RARB: variants seen among roughly 807,000 people sequenced by gnomAD.
RARB encodes the protein HBV-activated protein.
Under a neutral mutation model 51.9 loss-of-function variants are expected in RARB, and 17 were observed. That is an observed-to-expected ratio of 0.33 (90% CI 0.22 to 0.49). The LOEUF (loss-of-function observed/expected upper bound fraction) is 0.49. RARB is among the 20% of genes least tolerant of loss of function. The pLI is 0.99. For missense variants in RARB, 369 were observed against 550.8 expected, an observed-to-expected ratio of 0.67 and a Z score of 3.30; for synonymous variants, 215 against 195.4, an observed-to-expected ratio of 1.10 and a Z score of -0.84.
At chr3:25,179,248 G>A (rs1268493503) in intron 5 of RARB, among the ~76,000 whole-genome samples, 1 of 152,160 alleles carries the variant, frequency 6.6e-6, no homozygotes, top group Non-Finnish European at 1.5e-5. Context: ...TGTGCTGATC[G>A]ATTGAATTTC....
chr3:25,078,089 T>C (rs547333620), intron 3 of RARB, among the ~76,000 whole-genome samples: 1 of 152,312 alleles, frequency 6.6e-6, no homozygotes, highest in Admixed American at 6.5e-5. Flanking sequence ...AGTTTGCCTA[T>C]GGATATCTTG....
At chr3:25,472,468 T>A (rs944325264) in intron 2 of RARB, among the ~76,000 whole-genome samples, 1 of 152,186 alleles carries the variant, frequency 6.6e-6, no homozygotes, top group African/African-American at 2.4e-5. Flanking sequence ...GGAAAGAAAT[T>A]ATGGATTTGG....
chr3:25,147,938 C>A (rs1199664812), intron 4 of RARB, among the ~76,000 whole-genome samples: 1 of 152,200 alleles, frequency 6.6e-6, no homozygotes. Context: ...AGGCAAAAAG[C>A]CAACACATTA....
chr3:25,500,451 C>CTTTTTTTTTTTTTTTT (rs1553624117), intron 2 of RARB, among the ~76,000 whole-genome samples: 5 of 49,920 alleles, frequency 1.0e-4, no homozygotes, highest in East Asian at 7.8e-4. Context: ...TCTTTCTTTT[C>CTTTTTTTTTTTTTTTT]TTGTTTTTTT....
intron 2 of RARB, among the ~76,000 whole-genome samples, chr3:24,959,548 G>A (rs1210856558): frequency 1.3e-5 from 2 of 152,202 alleles, no homozygotes; most frequent in Non-Finnish European, 2.9e-5. Flanking sequence ...TTTGGAAAAA[G>A]CAGCATTCTA....
chr3:25,371,888 G>A (rs1425107500), intron 5 of RARB, among the ~76,000 whole-genome samples: 1 of 152,194 alleles, frequency 6.6e-6, no homozygotes, highest in Admixed American at 6.5e-5. Context: ...AAGTGTAGAG[G>A]AGTGTTGAGG....
intron 2 of RARB, among the ~76,000 whole-genome samples, chr3:25,475,863 A>G (rs1575440264): frequency 1.3e-5 from 2 of 152,296 alleles, no homozygotes; most frequent in Admixed American, 6.5e-5. Flanking sequence ...AACTCTTCCC[A>G]TTTTAGTTAT....
rs759589176 is a variant in RARB, at chr3:25,007,592, C to CAAAAAAAAAAA, written c.-379-52531_-379-52521dup. Among the ~76,000 whole-genome samples the CAAAAAAAAAAA allele has an allele frequency of 8.8e-4, 40 of 45,330 alleles. 6 individuals carry two copies. Among genetic ancestry groups the CAAAAAAAAAAA allele is most frequent in the African/African-American group, 2.3e-3 (22 of 9,432 alleles). The allele number at this position is 45,330 out of a possible 152,430, so 29.7% of individuals were successfully genotyped here. On this transcript the variant is annotated intron_variant, in intron 2 of 11. Transcript: ENST00000383772. The stretch of plus-strand genomic sequence containing the variant: ...CCTGGGCAACAGAGTGAGACTGTCT[C>CAAAAAAAAAAA]AAAAAAAAAAAACAAAAAAACCTCA...
intron 2 of RARB, among the ~76,000 whole-genome samples, chr3:25,048,577 T>C (rs868136876): frequency 8.5e-5 from 13 of 152,308 alleles, no homozygotes; most frequent in African/African-American, 2.6e-4. Flanking sequence ...TGGGACATTC[T>C]GTGTATACTG....
In RARB at chr3:25,438,331, AGATT is replaced by A. The variant is rs879369549; in HGVS notation, c.157+9444_157+9447del. Reference sequence around the variant, plus strand: ...GGTGAAGCAGACACAGGGCCAGCCCAGATTCAATAACTACCTTTCAGTTTGGGAG... The same window carrying A: ...GGTGAAGCAGACACAGGGCCAGCCCACAATAACTACCTTTCAGTTTGGGAG... On this transcript the variant is annotated intron_variant, in intron 1 of 7. Transcript: ENST00000330688. 8.6e-3 allele frequency among the ~76,000 whole-genome samples: 1,164 copies of A among 134,920 alleles called. 30 individuals are homozygous for A. In the East Asian group the frequency reaches 0.087, roughly 10 times the overall value. 88.5% of individuals were successfully genotyped at this position (134,920 alleles called of 152,430 possible).
rs928310360 is a variant in RARB, at chr3:25,204,057, C to T, written c.178+29482C>T. On this transcript the variant is annotated intron_variant, in intron 5 of 11. Coordinates refer to the RARB transcript ENST00000383772. ...TTGGTTCCATTCTCCCCATCACTTT[C>T]GGGTACACCAATCAGATGTAGATTT... Among the ~76,000 whole-genome samples the T allele has an allele frequency of 1.1e-4, 17 of 152,152 alleles. No individual in the cohort carries two copies. The South Asian group carries it at 1.5e-3, about 13-fold the overall frequency.
chr3:25,053,438 T>C (rs1182300551), intron 2 of RARB, among the ~76,000 whole-genome samples: 1 of 152,092 alleles, frequency 6.6e-6, no homozygotes, highest in East Asian at 1.9e-4. Context: ...AGCAGGTCCA[T>C]AGTAGATGTT....
chr3:25,446,055 T>C (rs550801046), intron 1 of RARB, among the ~76,000 whole-genome samples: 2 of 152,356 alleles, frequency 1.3e-5, no homozygotes, highest in African/African-American at 2.4e-5. Context: ...TGGGAAGGAA[T>C]TTTAAAATGT....
Position 25,428,412 on chromosome 3 carries a change from G to T in RARB, c.-320G>T. On this transcript the variant is annotated 5_prime_UTR_variant, in exon 1 of 8. Coordinates refer to ENST00000330688, the MANE Select transcript of RARB (RefSeq NM_000965.5). ...GAGCAGGGTTTGTCTGGGCACCGTC[G>T]GGGTAGGATCCGGAACGCATTCGGA... 7.9e-7 allele frequency: 1 copy of T among 1,267,944 alleles called. No homozygotes were observed. Among genetic ancestry groups the T allele is most frequent in the South Asian group, 3.3e-5 (1 of 30,054 alleles). The allele number at this position is 1,267,944 out of a possible 1,614,324, so 78.5% of individuals were successfully genotyped here.
At chr3:25,215,189 C>T (rs368737969) in intron 5 of RARB, among the ~76,000 whole-genome samples, 1 of 152,172 alleles carries the variant, frequency 6.6e-6, no homozygotes, top group African/African-American at 2.4e-5. Flanking sequence ...GAAGCCTGGG[C>T]AGCAGTTTAT....
intron 3 of RARB, among the ~76,000 whole-genome samples, chr3:25,515,861 T>A (rs768087039): frequency 1.7e-4 from 26 of 152,182 alleles, no homozygotes; most frequent in Non-Finnish European, 3.4e-4. Context: ...ATTTTATACC[T>A]CGGTGAAAAG....
intron 5 of RARB, among the ~76,000 whole-genome samples, chr3:25,270,639 T>C (rs1244172895): frequency 6.6e-6 from 1 of 152,214 alleles, no homozygotes; most frequent in Non-Finnish European, 1.5e-5. Flanking sequence ...TATCCCAGCC[T>C]ATCACTGATA....
chr3:25,209,883 G>T (rs1701648530), intron 5 of RARB, among the ~76,000 whole-genome samples: 1 of 152,102 alleles, frequency 6.6e-6, no homozygotes, highest in Non-Finnish European at 1.5e-5. Flanking sequence ...ACTACTGCTG[G>T]GAAGCTCTCC....
At chr3:25,358,579 C>T (rs1227175315) in intron 5 of RARB, among the ~76,000 whole-genome samples, 1 of 152,150 alleles carries the variant, frequency 6.6e-6, no homozygotes, top group Non-Finnish European at 1.5e-5. Context: ...GGGAATCCTT[C>T]CAGGTTTGCC....
Sources: gnomAD v4.1 joint callset for allele counts (sites outside exome capture counted in the v4.1 genomes callset) on GRCh38, gnomAD v4.1.1 for gene constraint, MANE v1.5 for transcripts, NCBI Gene and HGNC (gene_info 2026-07-23, HGNC 2026-07-21) for gene names.